The following MDGA2 variants were observed in gnomAD, a reference collection of about 807,000 sequenced individuals.
MDGA2 encodes the protein MAM domain-containing glycosylphosphatidylinositol anchor protein 2.
MDGA2 carries 40 observed loss-of-function variants against 117.8 expected under a neutral mutation model. The ratio of observed to expected loss-of-function variants is 0.34; its 90% CI spans 0.26 to 0.44. The LOEUF (loss-of-function observed/expected upper bound fraction) is 0.44. Among genes scored for constraint, MDGA2 ranks in the 20% least tolerant of loss-of-function variants. The pLI is 1.00. For synonymous variants in MDGA2, 452 were observed against 439.0 expected, an observed-to-expected ratio of 1.03 and a Z score of -0.37; for missense variants, 1,123 against 1,250.6, an observed-to-expected ratio of 0.90 and a Z score of 1.54.
intron 2 of MDGA2, among the ~76,000 whole-genome samples, chr14:47,232,565 C>T (rs1266877584): frequency 6.6e-6 from 1 of 152,070 alleles, no homozygotes. Flanking sequence ...CCACCAACCT[C>T]AATGAGGTTC....
At chr14:47,333,653 C>T (rs1455335284) in intron 1 of MDGA2, among the ~76,000 whole-genome samples, 1 of 151,684 alleles carries the variant, frequency 6.6e-6, no homozygotes, top group African/African-American at 2.4e-5. Flanking sequence ...GGCCACACAA[C>T]ACAAATAAGT....
chr14:47,044,401 T>C (rs1034093306), intron 7 of MDGA2, among the ~76,000 whole-genome samples: 1 of 152,142 alleles, frequency 6.6e-6, no homozygotes, highest in South Asian at 2.1e-4. Flanking sequence ...ATTTGTCCAC[T>C]CCATGACTTT....
chr14:47,609,948 C>T lies in MDGA2; in HGVS notation c.280+64569G>A, dbSNP rs141467496. 3.5e-3 allele frequency among the ~76,000 whole-genome samples: 531 copies of T among 152,142 alleles called. 6 individuals carry two copies. Among genetic ancestry groups the T allele is most frequent in the African/African-American group, 0.012 (506 of 41,534 alleles). ...ACTACTGACTGATATCCCTGATGAA[C>T]ATAGATGCTAAAATCCTTAACACAA... On this transcript the variant is annotated intron_variant, in intron 1 of 16. Coordinates refer to ENST00000399232, the MANE Select transcript of MDGA2 (RefSeq NM_001113498.3).
chr14:47,256,185 C>T (rs1887613274), intron 2 of MDGA2, among the ~76,000 whole-genome samples: 1 of 151,436 alleles, frequency 6.6e-6, no homozygotes, highest in Non-Finnish European at 1.5e-5. Flanking sequence ...TAATACCTTC[C>T]TTTAAAACTG....
intron 2 of MDGA2, among the ~76,000 whole-genome samples, chr14:47,298,480 T>C (rs551596795): frequency 6.6e-6 from 1 of 152,268 alleles, no homozygotes; most frequent in Admixed American, 6.5e-5. Flanking sequence ...TCTCTTCCAC[T>C]GCATTTCCAA....
chr14:47,571,264 G>A (rs1874654954), intron 1 of MDGA2, among the ~76,000 whole-genome samples: 2 of 152,204 alleles, frequency 1.3e-5, no homozygotes, highest in Admixed American at 1.3e-4. Flanking sequence ...ATAGATGCTG[G>A]AGAAGATGTG....
chr14:47,117,264 C>T (rs890629876), intron 5 of MDGA2, among the ~76,000 whole-genome samples: 1 of 152,080 alleles, frequency 6.6e-6, no homozygotes, highest in African/African-American at 2.4e-5. Flanking sequence ...CGATAAGTGT[C>T]AGCAAGGATG....
intron 1 of MDGA2, among the ~76,000 whole-genome samples, chr14:47,337,038 A>T (rs1237640672): frequency 6.6e-6 from 1 of 151,994 alleles, no homozygotes; most frequent in East Asian, 1.9e-4. Context: ...ATATTGTTAC[A>T]TCTTGCCAAC....
At chr14:47,551,735 C>T (rs965903050) in intron 1 of MDGA2, among the ~76,000 whole-genome samples, 1 of 152,110 alleles carries the variant, frequency 6.6e-6, no homozygotes, top group African/African-American at 2.4e-5. Context: ...TATTCCTTGA[C>T]ATATTGGAAC....
intron 1 of MDGA2, among the ~76,000 whole-genome samples, chr14:47,344,263 T>A (rs1478924452): frequency 6.6e-6 from 1 of 152,190 alleles, no homozygotes; most frequent in African/African-American, 2.4e-5. Flanking sequence ...GACAAATGTT[T>A]TGCCTCTCAT....
At chr14:47,024,826 T>A (rs938539693) in intron 8 of MDGA2, among the ~76,000 whole-genome samples, 3 of 152,142 alleles carry the variant, frequency 2.0e-5, no homozygotes, top group African/African-American at 7.2e-5. Context: ...TCCTGAGGTG[T>A]CCTTTTGAAG....
chr14:46,980,560 T>C (rs1321940527), intron 8 of MDGA2, among the ~76,000 whole-genome samples: 2 of 152,296 alleles, frequency 1.3e-5, no homozygotes, highest in Non-Finnish European at 2.9e-5. Flanking sequence ...GTGGGCAAAA[T>C]GCTATCAAAC....
intron 7 of MDGA2, among the ~76,000 whole-genome samples, chr14:47,057,771 T>C (rs1889740188): frequency 6.6e-6 from 1 of 151,686 alleles, no homozygotes; most frequent in Admixed American, 6.6e-5. Context: ...CCTTGCTTTT[T>C]TGAGACAGAG....
chr14:47,049,352 G>C (rs1459641860), intron 7 of MDGA2, among the ~76,000 whole-genome samples: 1 of 151,914 alleles, frequency 6.6e-6, no homozygotes, highest in African/African-American at 2.4e-5. Context: ...AGGTTTTCAA[G>C]TCCCTTATAT....
At chr14:47,274,277 T>A (rs1234477924) in intron 2 of MDGA2, among the ~76,000 whole-genome samples, 1 of 152,146 alleles carries the variant, frequency 6.6e-6, no homozygotes, top group Non-Finnish European at 1.5e-5. Flanking sequence ...ACTATTTACT[T>A]TATGTCTGTA....
At chr14:47,403,447 G>A (rs1451456167) in intron 1 of MDGA2, among the ~76,000 whole-genome samples, 1 of 120,840 alleles carries the variant, frequency 8.3e-6, no homozygotes, top group Non-Finnish European at 1.8e-5. Flanking sequence ...CAATATTGCG[G>A]TCTTCTTGTA....
At chr14:47,511,798 G>A (rs1251709368) in intron 1 of MDGA2, among the ~76,000 whole-genome samples, 2 of 152,190 alleles carry the variant, frequency 1.3e-5, no homozygotes, top group Non-Finnish European at 2.9e-5. Flanking sequence ...AAAGCAGCCA[G>A]TTCAGGCAGG....
chr14:47,060,763 C>T (rs1223285651), intron 7 of MDGA2, among the ~76,000 whole-genome samples: 1 of 152,084 alleles, frequency 6.6e-6, no homozygotes, highest in African/African-American at 2.4e-5. Flanking sequence ...TCACATCTGA[C>T]TACAACTTTA....
chr14:47,309,186 C>T (rs916805946), intron 1 of MDGA2, among the ~76,000 whole-genome samples: 13 of 152,090 alleles, frequency 8.5e-5, no homozygotes, highest in Non-Finnish European at 1.9e-4. Flanking sequence ...TATTCTGATA[C>T]ATAAACAACA....
Sources: allele counts gnomAD v4.1 joint callset (sites outside exome capture counted in the v4.1 genomes callset), GRCh38; gene constraint gnomAD v4.1.1; transcripts MANE v1.5; gene names NCBI Gene and HGNC (gene_info 2026-07-23, HGNC 2026-07-21).